The following GSG1L variants were observed in gnomAD, a reference collection of about 807,000 sequenced individuals.
GSG1L encodes the protein GSG1 like, also known as germ cell-specific gene 1-like protein.
GSG1L carries 24 observed loss-of-function variants against 42.1 expected under a neutral mutation model. The observed-to-expected ratio is 0.57, with a 90% CI of 0.41 to 0.80. GSG1L has a LOEUF of 0.80. GSG1L is among the 30% of genes least tolerant of loss of function. The pLI, the probability that GSG1L is intolerant of heterozygous loss-of-function variation, is 0.00. For missense variants in GSG1L, 445 were observed against 472.2 expected, an observed-to-expected ratio of 0.94 and a Z score of 0.53; for synonymous variants, 215 against 203.5, an observed-to-expected ratio of 1.06 and a Z score of -0.48.
intron 1 of GSG1L, among the ~76,000 whole-genome samples, chr16:27,989,723 G>A (rs2085433213): frequency 1.4e-5 from 2 of 146,992 alleles, no homozygotes; most frequent in African/African-American, 4.9e-5. Context: ...CTGGGCAACA[G>A]AGTGAGACTC....
At chr16:27,841,070 T>A (rs2083375675) in intron 4 of GSG1L, among the ~76,000 whole-genome samples, 1 of 152,184 alleles carries the variant, frequency 6.6e-6, no homozygotes, top group African/African-American at 2.4e-5. Flanking sequence ...TATTTTTTAC[T>A]AGATTTGGGG....
At chr16:28,053,096 A>T (rs1319375861) in intron 1 of GSG1L, among the ~76,000 whole-genome samples, 1 of 152,154 alleles carries the variant, frequency 6.6e-6, no homozygotes, top group Non-Finnish European at 1.5e-5. Context: ...TCTTCCAGAA[A>T]AGGATCCCCT....
At chr16:27,806,108 G>C (rs2082959188) in intron 6 of GSG1L, among the ~76,000 whole-genome samples, 1 of 152,076 alleles carries the variant, frequency 6.6e-6, no homozygotes, top group Non-Finnish European at 1.5e-5. Context: ...TGTCCCTGCA[G>C]GAGGAGTTCT....
At chr16:27,936,231 G>A (rs989588250) in intron 2 of GSG1L, among the ~76,000 whole-genome samples, 1 of 152,076 alleles carries the variant, frequency 6.6e-6, no homozygotes, top group Non-Finnish European at 1.5e-5. Flanking sequence ...CACTTTATAA[G>A]GTCACTGGGT....
At chr16:28,037,037 G>GT (rs1425631973) in intron 1 of GSG1L, among the ~76,000 whole-genome samples, 2 of 152,100 alleles carry the variant, frequency 1.3e-5, no homozygotes, top group Admixed American at 6.5e-5. Flanking sequence ...TGGTTTTGGG[G>GT]TTTTTTTGAG....
chr16:27,957,852 G>C (rs923423432), intron 2 of GSG1L, among the ~76,000 whole-genome samples: 7 of 152,148 alleles, frequency 4.6e-5, no homozygotes, highest in Admixed American at 3.9e-4. Flanking sequence ...TACTCATGGT[G>C]GAAGATGTAG....
chr16:27,875,720 G>A (rs1262642282), intron 3 of GSG1L, among the ~76,000 whole-genome samples: 1 of 152,104 alleles, frequency 6.6e-6, no homozygotes, highest in East Asian at 1.9e-4. Flanking sequence ...CCTCTGGCAT[G>A]GTAATTTGTT....
chr16:27,848,197 C>A (rs1222893458), intron 3 of GSG1L, among the ~76,000 whole-genome samples: 1 of 152,200 alleles, frequency 6.6e-6, no homozygotes, highest in Admixed American at 6.5e-5. Context: ...CTGAGACTCA[C>A]TATGTAGGCC....
intron 1 of GSG1L, among the ~76,000 whole-genome samples, chr16:28,001,358 C>A (rs143230577): frequency 2.6e-5 from 4 of 152,204 alleles, no homozygotes; most frequent in African/African-American, 9.7e-5. Context: ...TTGACAACAG[C>A]GTGTGCCCAC....
chr16:27,903,653 T>C (rs1006420826), intron 2 of GSG1L, among the ~76,000 whole-genome samples: 8 of 152,148 alleles, frequency 5.3e-5, no homozygotes, highest in African/African-American at 1.9e-4. Context: ...CTTGGGGCCC[T>C]GGAGGGAGAG....
rs141073272 is a variant in GSG1L at position 27,793,433 on chromosome 16, A to G, written c.899-1966T>C. Among the ~76,000 whole-genome samples the G allele has an allele frequency of 1.6e-3, 251 of 152,288 alleles. 1 individual carries two copies. The highest frequency in any genetic ancestry group is 5.6e-3 in the African/African-American group (233 of 41,556). ...ACATTTGTTTTGGCCTCAGTCATGG[A>G]AACCATTGCATACTTTGGAAGTGTT... On this transcript the variant is annotated intron_variant, in intron 6 of 6. Coordinates refer to ENST00000447459, the MANE Select transcript of GSG1L (RefSeq NM_001109763.2).
At chr16:27,919,321 A>T (rs534561316) in intron 2 of GSG1L, among the ~76,000 whole-genome samples, 13 of 152,266 alleles carry the variant, frequency 8.5e-5, no homozygotes, top group Admixed American at 6.5e-4. Context: ...TATCATGGCC[A>T]TCATGGCTGC....
chr16:27,928,016 T>C (rs960897429), intron 2 of GSG1L, among the ~76,000 whole-genome samples: 2 of 152,246 alleles, frequency 1.3e-5, no homozygotes, highest in African/African-American at 4.8e-5. Flanking sequence ...AGGGTTATTT[T>C]GTTCAAGTTT....
chr16:27,888,507 CTTT>C (rs2084075863), intron 2 of GSG1L, among the ~76,000 whole-genome samples: 2 of 13,442 alleles, frequency 1.5e-4, no homozygotes, highest in African/African-American at 2.5e-4. Context: ...TTCTTTCTTT[CTTT>C]CTTTCTTTCT....
rs553965349 is a variant in GSG1L at position 27,889,348 on chromosome 16, G to A, written c.398-4710C>T. Among the ~76,000 whole-genome samples, 124 of 152,222 alleles carry A rather than the reference G, an allele frequency of 8.1e-4. 2 individuals carry two copies. Among genetic ancestry groups the A allele is most frequent in the African/African-American group, 2.4e-3 (101 of 41,532 alleles). On this transcript the variant is annotated intron_variant, in intron 2 of 6. Coordinates refer to ENST00000447459, the MANE Select transcript of GSG1L (RefSeq NM_001109763.2). ...CTTCTTACTGGGCTCGGGAGCATCC[G>A]TCTGAGAGTTTCAGCCCACTCCAGC...
intron 2 of GSG1L, among the ~76,000 whole-genome samples, chr16:27,891,816 T>C (rs1453449691): frequency 1.3e-5 from 2 of 151,148 alleles, no homozygotes; most frequent in Non-Finnish European, 3.0e-5. Flanking sequence ...AGGAGTTCTT[T>C]CATTCAAGTG....
chr16:27,815,614 C>T (rs904785629), intron 5 of GSG1L, among the ~76,000 whole-genome samples: 3 of 152,182 alleles, frequency 2.0e-5, no homozygotes, highest in African/African-American at 7.2e-5. Flanking sequence ...AACCGGGCAC[C>T]CCAGACGTGT....
intron 3 of GSG1L, among the ~76,000 whole-genome samples, chr16:27,856,166 C>CA (rs71389504): frequency 1.3e-5 from 2 of 151,712 alleles, no homozygotes; most frequent in Admixed American, 1.3e-4. Flanking sequence ...CACCCCCCCC[C>CA]ATCCCCACAT....
chr16:27,841,258 C>T (rs1169702541), intron 4 of GSG1L, among the ~76,000 whole-genome samples: 3 of 152,146 alleles, frequency 2.0e-5, no homozygotes, highest in African/African-American at 7.2e-5. Context: ...AACTGTCTGA[C>T]TCCAGGAGCC....
Sources: allele counts gnomAD v4.1 joint callset (sites outside exome capture counted in the v4.1 genomes callset), GRCh38; gene constraint gnomAD v4.1.1; transcripts MANE v1.5; gene names NCBI Gene and HGNC (gene_info 2026-07-23, HGNC 2026-07-21).